PLXNA1: variants seen among roughly 807,000 people sequenced by gnomAD.
The protein encoded by PLXNA1 is plexin-A1.
Under a neutral mutation model 191.7 loss-of-function variants are expected in PLXNA1, and 77 were observed. The observed-to-expected ratio is 0.40, with a 90% CI of 0.33 to 0.49. The LOEUF (loss-of-function observed/expected upper bound fraction) is 0.49. Among genes scored for constraint, PLXNA1 ranks in the 20% least tolerant of loss-of-function variants. The pLI, the probability that PLXNA1 is intolerant of heterozygous loss-of-function variation, is 0.63. For synonymous variants in PLXNA1, 1,137 were observed against 1,156.4 expected, an observed-to-expected ratio of 0.98 and a Z score of 0.34; for missense variants, 2,110 against 2,660.2, an observed-to-expected ratio of 0.79 and a Z score of 4.55.
intron 21 of PLXNA1, among the ~76,000 whole-genome samples, chr3:127,021,530 C>T (rs2079152144): frequency 6.6e-6 from 1 of 152,210 alleles, no homozygotes; most frequent in Non-Finnish European, 1.5e-5. Flanking sequence ...TGGCCCTAAT[C>T]AAACCTCTTC....
At chr3:127,022,721 C>T (rs1394075089) in intron 22 of PLXNA1, 31 bp from the exon 23 acceptor site, 2 of 1,601,796 alleles carry the variant, frequency 1.2e-6, no homozygotes, top group Non-Finnish European at 1.7e-6. Flanking sequence ...GCTGGAATGA[C>T]ACCACTCTGC....
At position 127,020,359 on chromosome 3, in the gene PLXNA1, T is replaced by TC; in HGVS notation, c.4038+17dup. 16 of 1,610,808 alleles carry TC rather than the reference T, an allele frequency of 9.9e-6. No individual in the cohort carries two copies. The highest frequency in any genetic ancestry group is 1.4e-5 in the Non-Finnish European group (16 of 1,178,894). Reference sequence around the variant, plus strand: ...AGGAGATGGAGGTAGGACCACTGGCTCCGGGGGGTCACAGGAACTCAGAGG... The same window carrying TC: ...AGGAGATGGAGGTAGGACCACTGGCTCCCGGGGGGTCACAGGAACTCAGAGG... On this transcript the variant is annotated intron_variant, in intron 21 of 31. Transcript: ENST00000393409.
intron 3 of PLXNA1, among the ~76,000 whole-genome samples, chr3:126,993,361 G>T (rs1012257082): frequency 1.2e-4 from 19 of 152,254 alleles, no homozygotes; most frequent in Non-Finnish European, 1.8e-4. Flanking sequence ...AAGGAGGACC[G>T]TTCTCAGGGA....
At chr3:127,024,249 C>T (rs966942636) in intron 23 of PLXNA1, among the ~76,000 whole-genome samples, 1 of 152,274 alleles carries the variant, frequency 6.6e-6, no homozygotes, top group African/African-American at 2.4e-5. Context: ...TAAGCACCGA[C>T]GTTGGGTGTG....
In PLXNA1 at chr3:127,032,725, C is replaced by T; in HGVS notation, c.5484C>T (p.Asp1828=). The part of the protein sequence containing the change: ...ADIAKMPAIS[D]QDMSAYLAEQ... Reference sequence around the variant, plus strand: ...TCGCCAAGATGCCAGCCATCAGCGACCAGGACATGAGTGCGTATCTGGCTG... The same window carrying T: ...TCGCCAAGATGCCAGCCATCAGCGATCAGGACATGAGTGCGTATCTGGCTG... The change falls in exon 31 of 32, where the codon GAC becomes GAT. Residue 1828 remains aspartate (D), a synonymous_variant. Coordinates refer to ENST00000393409, the MANE Select transcript of PLXNA1 (RefSeq NM_032242.4). 2.5e-6 allele frequency: 4 copies of T among 1,613,446 alleles called. No homozygotes were observed. Among genetic ancestry groups the T allele is most frequent in the South Asian group, 2.2e-5 (2 of 91,076 alleles).
intron 21 of PLXNA1, among the ~76,000 whole-genome samples, chr3:127,021,535 C>G (rs2079152153): frequency 6.6e-6 from 1 of 152,218 alleles, no homozygotes. Context: ...CTAATCAAAC[C>G]TCTTCCTGTC....
chr3:127,014,330 C>T lies in PLXNA1; in HGVS notation c.2559C>T (p.His853=), dbSNP rs376319969. 43 of 1,596,756 alleles carry T rather than the reference C, an allele frequency of 2.7e-5. No homozygotes were observed. Among genetic ancestry groups the T allele is most frequent in the African/African-American group, 4.0e-5 (3 of 74,794 alleles). ...CCGACACACCTGCATCGTGGATGCA[C>T]GCGCGTCACGGCAGCAGTCGCTGCA... ...CAADTPASWM[H]ARHGSSRCTD... is the part of the protein sequence containing the mutation. Residue 853 remains histidine (H), a synonymous_variant, in exon 12 of 32, where the codon CAC becomes CAT. Transcript: ENST00000393409.
intron 9 of PLXNA1, among the ~76,000 whole-genome samples, chr3:127,008,229 C>T (rs2079078331): frequency 6.6e-6 from 1 of 152,110 alleles, no homozygotes; most frequent in African/African-American, 2.4e-5. Context: ...TGTGTGGGGG[C>T]TGCAGACACG....
intron 20 of PLXNA1, among the ~76,000 whole-genome samples, chr3:127,019,156 A>G (rs2079140526): frequency 6.6e-6 from 1 of 152,156 alleles, no homozygotes; most frequent in Non-Finnish European, 1.5e-5. Flanking sequence ...TCAGGGCTCT[A>G]GGGGGCAGAT....
chr3:127,018,793 G>A (rs2079138656), intron 20 of PLXNA1, among the ~76,000 whole-genome samples: 1 of 152,190 alleles, frequency 6.6e-6, no homozygotes, highest in Admixed American at 6.5e-5. Context: ...TATCCCAGCT[G>A]GGCTATAAGG....
In PLXNA1 at chr3:126,986,294, G is replaced by A. The variant is rs192372971; in HGVS notation, c.-73-2227G>A. ...CCGGGTCTTCCTTGAGCTCTGAGGC[G>A]GGGGCGGGAGTGGGGACTCCTCCCC... On this transcript the variant is annotated intron_variant, in intron 1 of 31. Coordinates refer to ENST00000393409, the MANE Select transcript of PLXNA1 (RefSeq NM_032242.4). 5.9e-5 allele frequency among the ~76,000 whole-genome samples: 9 copies of A among 152,330 alleles called. No individual in the cohort carries two copies. In the East Asian group the frequency reaches 7.7e-4, roughly 13 times the overall value.
chr3:127,030,284 C>T lies in PLXNA1; in HGVS notation c.5103C>T (p.Ile1701=), dbSNP rs1327277284. Residue 1701 remains isoleucine (I), a synonymous_variant, in exon 29 of 32, where the codon ATC becomes ATT. Coordinates refer to ENST00000393409, the MANE Select transcript of PLXNA1 (RefSeq NM_032242.4). The part of the protein sequence containing the change: ...QKFVDDLFET[I]FSTAHRGSAL... ...TTGTGGACGACCTGTTTGAGACCAT[C>T]TTCAGCACGGCACACCGGGGCTCAG... 3.1e-6 allele frequency: 5 copies of T among 1,613,924 alleles called. No individual in the cohort carries two copies. The highest frequency in any genetic ancestry group is 2.5e-6 in the Non-Finnish European group (3 of 1,180,014).
At chr3:127,020,751 G>T (rs1213323139) in intron 21 of PLXNA1, among the ~76,000 whole-genome samples, 2 of 152,138 alleles carry the variant, frequency 1.3e-5, no homozygotes, top group Non-Finnish European at 2.9e-5. Flanking sequence ...CCCGCCTGCG[G>T]CTCCACTGGC....
Position 127,034,163 on chromosome 3 carries a change from A to C in PLXNA1, c.*146A>C. On this transcript the variant is annotated 3_prime_UTR_variant, in exon 32 of 32. Transcript: ENST00000393409. The stretch of plus-strand genomic sequence containing the variant: ...TGCCCGGCCCTCCCTCCCCTGCCTC[A>C]CCCGGTCGGGTCCCGGCTCTTCCTG... 1 of 682,148 alleles carries C rather than the reference A, an allele frequency of 1.5e-6. No homozygotes were observed. The allele number at this position is 682,148 out of a possible 1,614,324, so 42.3% of individuals were successfully genotyped here.
intron 23 of PLXNA1, among the ~76,000 whole-genome samples, chr3:127,024,892 T>A (rs2079169607): frequency 6.6e-6 from 1 of 152,140 alleles, no homozygotes; most frequent in Non-Finnish European, 1.5e-5. Flanking sequence ...TTTTTTGTTT[T>A]TGTCTTTTTT....
In PLXNA1 at chr3:126,997,298, G is replaced by A. The variant is rs138371729; in HGVS notation, c.1377+5732G>A. ...TTCAGCCTGGGAGCAAGGCTGTGGA[G>A]CCTCTGTTGTTGTTCTGCCTTAACT... is the stretch of plus-strand genomic sequence containing the variant. On this transcript the variant is annotated intron_variant, in intron 3 of 31. Transcript: ENST00000393409. Among the ~76,000 whole-genome samples the A allele has an allele frequency of 1.2e-3, 178 of 152,328 alleles. 1 individual carries two copies. The highest frequency in any genetic ancestry group is 4.1e-3 in the African/African-American group (169 of 41,574).
At chr3:127,019,953 T>G (rs554574458) in intron 20 of PLXNA1, among the ~76,000 whole-genome samples, 23 of 152,346 alleles carry the variant, frequency 1.5e-4, no homozygotes, top group Middle Eastern at 3.4e-3. Context: ...CTGCCCAGCC[T>G]GCCCCTGGTG....
At chr3:126,995,191 C>T (rs1252311316) in intron 3 of PLXNA1, among the ~76,000 whole-genome samples, 1 of 152,202 alleles carries the variant, frequency 6.6e-6, no homozygotes, top group African/African-American at 2.4e-5. Context: ...GGGGGTGCCC[C>T]TGTCCCCCCT....
chr3:126,993,626 C>G (rs919394094), intron 3 of PLXNA1, among the ~76,000 whole-genome samples: 1 of 152,242 alleles, frequency 6.6e-6, no homozygotes, highest in Non-Finnish European at 1.5e-5. Flanking sequence ...CACCCCCAAA[C>G]AAGTCTGGGC....
Sources: gnomAD v4.1 joint callset for allele counts (sites outside exome capture counted in the v4.1 genomes callset) on GRCh38, gnomAD v4.1.1 for gene constraint, MANE v1.5 for transcripts, NCBI Gene and HGNC (gene_info 2026-07-23, HGNC 2026-07-21) for gene names.